The following NR6A1 variants were observed in gnomAD, a reference collection of about 807,000 sequenced individuals.
NR6A1 encodes the protein retinoic acid receptor-related testis-associated receptor.
NR6A1 carries 7 observed loss-of-function variants against 59.1 expected under a neutral mutation model. That is an observed-to-expected ratio of 0.12 (90% CI 0.07 to 0.22). NR6A1 has a LOEUF of 0.22. NR6A1 is among the 10% of genes least tolerant of loss of function. The pLI is 1.00. For missense variants in NR6A1, 468 were observed against 611.6 expected (o/e 0.77, Z 2.48); for synonymous variants, 243 against 236.1 (o/e 1.03, Z -0.27).
intron 1 of NR6A1, among the ~76,000 whole-genome samples, chr9:124,739,910 C>T (rs183945169): frequency 6.6e-6 from 1 of 152,324 alleles, no homozygotes; most frequent in Admixed American, 6.5e-5. Flanking sequence ...CTCTGGTTAA[C>T]GTTCTGCTAG....
intron 2 of NR6A1, among the ~76,000 whole-genome samples, chr9:124,687,107 CTT>C (rs551488710): frequency 6.9e-6 from 1 of 145,280 alleles, no homozygotes. Context: ...TGTCCACATC[CTT>C]TTTTTTTTTT....
At chr9:124,692,049 T>C (rs1391213068) in intron 2 of NR6A1, among the ~76,000 whole-genome samples, 1 of 152,198 alleles carries the variant, frequency 6.6e-6, no homozygotes, top group Non-Finnish European at 1.5e-5. Context: ...AATGTAACTT[T>C]AGGCAAATCA....
chr9:124,527,307 C>A (rs1832965030), intron 7 of NR6A1, among the ~76,000 whole-genome samples: 2 of 152,182 alleles, frequency 1.3e-5, no homozygotes. Flanking sequence ...AGAGATTCAG[C>A]CTCTGGTATC....
chr9:124,748,751 GCTA>G (rs1438132741), intron 1 of NR6A1, among the ~76,000 whole-genome samples: 5 of 151,844 alleles, frequency 3.3e-5, no homozygotes, highest in African/African-American at 1.2e-4. Flanking sequence ...TGTAGTCCCA[GCTA>G]TTCGGGAGGC....
intron 2 of NR6A1, among the ~76,000 whole-genome samples, chr9:124,576,489 A>G (rs540853927): frequency 3.3e-5 from 5 of 152,174 alleles, no homozygotes; most frequent in Non-Finnish European, 5.9e-5. Context: ...GGGTTTCACC[A>G]TGTTAGCCAG....
chr9:124,650,641 T>C (rs1588743984), intron 2 of NR6A1, among the ~76,000 whole-genome samples: 1 of 152,236 alleles, frequency 6.6e-6, no homozygotes, highest in African/African-American at 2.4e-5. Flanking sequence ...GTGATTTCCC[T>C]ATTACCCCAA....
chr9:124,735,562 T>C (rs1839998830), intron 1 of NR6A1, among the ~76,000 whole-genome samples: 1 of 152,192 alleles, frequency 6.6e-6, no homozygotes, highest in South Asian at 2.1e-4. Context: ...CTAGTCTGAA[T>C]AGTGTGTGTA....
intron 2 of NR6A1, among the ~76,000 whole-genome samples, chr9:124,592,314 T>C (rs1462126630): frequency 1.3e-5 from 2 of 152,216 alleles, no homozygotes; most frequent in South Asian, 4.1e-4. Flanking sequence ...TCATACCCCA[T>C]TTTAACACAA....
rs1212004918 is a variant in NR6A1 at position 124,700,915 on chromosome 9, C to T, written c.142+32393G>A. 3.3e-5 allele frequency among the ~76,000 whole-genome samples: 5 copies of T among 152,110 alleles called. No individual in the cohort carries two copies. The East Asian group carries it at 7.8e-4, about 24-fold the overall frequency. ...AGCAAGGATTACAGGCACATGCCAA[C>T]GCACCCAGCTAATTTTTGTATTTTT... On this transcript the variant is annotated intron_variant, in intron 2 of 9. Coordinates refer to ENST00000487099, the MANE Select transcript of NR6A1 (RefSeq NM_033334.4).
At chr9:124,750,971 CT>C (rs1425446196) in intron 1 of NR6A1, among the ~76,000 whole-genome samples, 2 of 152,262 alleles carry the variant, frequency 1.3e-5, no homozygotes, top group African/African-American at 4.8e-5. Context: ...CTACCAGAAG[CT>C]AGTGCTCAGA....
At chr9:124,567,800 A>G (rs1002656920) in intron 2 of NR6A1, among the ~76,000 whole-genome samples, 8 of 151,874 alleles carry the variant, frequency 5.3e-5, no homozygotes, top group African/African-American at 1.9e-4. Flanking sequence ...GGAGGCAGCA[A>G]AGATTCAAGC....
At chr9:124,682,630 T>C (rs1838203039) in intron 2 of NR6A1, among the ~76,000 whole-genome samples, 1 of 152,258 alleles carries the variant, frequency 6.6e-6, no homozygotes, top group Non-Finnish European at 1.5e-5. Context: ...TTTATCATTT[T>C]TATTTAATCT....
At chr9:124,752,172 A>C (rs2131175468) in intron 1 of NR6A1, among the ~76,000 whole-genome samples, 1 of 152,274 alleles carries the variant, frequency 6.6e-6, no homozygotes, top group Admixed American at 6.5e-5. Context: ...GGGCTCCTGA[A>C]GCATGAGAAT....
At chr9:124,751,683 G>A (rs1047492051) in intron 1 of NR6A1, among the ~76,000 whole-genome samples, 4 of 152,104 alleles carry the variant, frequency 2.6e-5, no homozygotes, top group African/African-American at 7.2e-5. Flanking sequence ...TATTAGAAAC[G>A]GGTTTCACAA....
rs148667972 is a variant in NR6A1, at chr9:124,582,646, G to C, written c.143-28076C>G. Among the ~76,000 whole-genome samples the C allele has an allele frequency of 2.1e-3, 316 of 152,190 alleles. 1 individual carries two copies. Among genetic ancestry groups the C allele is most frequent in the African/African-American group, 7.0e-3 (291 of 41,508 alleles). On this transcript the variant is annotated intron_variant, in intron 2 of 9. Coordinates refer to ENST00000487099, the MANE Select transcript of NR6A1 (RefSeq NM_033334.4). Reference sequence around the variant, plus strand: ...CCATGCCTGTAATCCTAGCACTTTGGGAGGCCAAGGTGGAAGGACTGCTTG... The same window carrying C: ...CCATGCCTGTAATCCTAGCACTTTGCGAGGCCAAGGTGGAAGGACTGCTTG...
intron 2 of NR6A1, among the ~76,000 whole-genome samples, chr9:124,556,650 G>T (rs541635336): frequency 1.3e-5 from 2 of 151,802 alleles, no homozygotes; most frequent in Admixed American, 1.3e-4. Context: ...TAGTAGAGAC[G>T]GGGTTTTACC....
intron 1 of NR6A1, among the ~76,000 whole-genome samples, chr9:124,765,812 A>G (rs940390985): frequency 6.6e-6 from 1 of 152,242 alleles, no homozygotes; most frequent in Non-Finnish European, 1.5e-5. Flanking sequence ...AGCAGGTAAC[A>G]AAGAATGAAG....
At chr9:124,587,949 C>T (rs558926512) in intron 2 of NR6A1, among the ~76,000 whole-genome samples, 2 of 152,258 alleles carry the variant, frequency 1.3e-5, no homozygotes, top group African/African-American at 4.8e-5. Context: ...TTCAATGCAG[C>T]CTTGAACTCC....
At chr9:124,629,093 T>C (rs530530686) in intron 2 of NR6A1, among the ~76,000 whole-genome samples, 1 of 152,364 alleles carries the variant, frequency 6.6e-6, no homozygotes, top group East Asian at 1.9e-4. Context: ...CTCAGATGGC[T>C]TTTTAGGATT....
Sources: gnomAD v4.1 joint callset for allele counts (sites outside exome capture counted in the v4.1 genomes callset) on GRCh38, gnomAD v4.1.1 for gene constraint, MANE v1.5 for transcripts, NCBI Gene and HGNC (gene_info 2026-07-23, HGNC 2026-07-21) for gene names.